Variants in PLCL1 observed in about 807,000 individuals in gnomAD.
PLCL1 encodes inactive phospholipase C-like protein 1.
PLCL1 carries 41 observed loss-of-function variants against 84.4 expected under a neutral mutation model. The ratio of observed to expected loss-of-function variants is 0.49; its 90% CI spans 0.38 to 0.63. The LOEUF is 0.63. PLCL1 is among the 30% of genes least tolerant of loss of function. The pLI is 0.00. For synonymous variants in PLCL1, 490 were observed against 488.3 expected, an observed-to-expected ratio of 1.00 and a Z score of -0.05; for missense variants, 1,206 against 1,367.8, an observed-to-expected ratio of 0.88 and a Z score of 1.87.
chr2:197,901,720 C>T (rs1220172655), intron 1 of PLCL1, among the ~76,000 whole-genome samples: 1 of 152,126 alleles, frequency 6.6e-6, no homozygotes, highest in East Asian at 1.9e-4. Flanking sequence ...GCTTCAAGCT[C>T]ATTAGATTTG....
intron 1 of PLCL1, among the ~76,000 whole-genome samples, chr2:197,868,201 T>G (rs1163627702): frequency 6.6e-6 from 1 of 152,218 alleles, no homozygotes; most frequent in Non-Finnish European, 1.5e-5. Flanking sequence ...GAATATTACT[T>G]CTAGCTAAAG....
At chr2:198,068,509 G>A (rs567711745) in intron 1 of PLCL1, among the ~76,000 whole-genome samples, 1 of 152,244 alleles carries the variant, frequency 6.6e-6, no homozygotes, top group Admixed American at 6.5e-5. Flanking sequence ...GATAATATTA[G>A]TAGATGTATT....
At chr2:197,866,426 C>T (rs529591211) in intron 1 of PLCL1, among the ~76,000 whole-genome samples, 1 of 151,952 alleles carries the variant, frequency 6.6e-6, no homozygotes, top group East Asian at 1.9e-4. Context: ...AGTGGATAAA[C>T]AAGAATAGGG....
chr2:197,902,200 C>T lies in PLCL1; in HGVS notation c.240+96861C>T, dbSNP rs553980851. Among the ~76,000 whole-genome samples the T allele has an allele frequency of 5.0e-4, 76 of 152,208 alleles. 1 individual carries two copies. In the South Asian group the frequency reaches 0.01, roughly 21 times the overall value. On this transcript the variant is annotated intron_variant, in intron 1 of 5. Transcript: ENST00000428675. ...TTACGACCCTTTTGTGGGCCTGATA[C>T]GCAGCTATCCTAGGACAGCCAAGGA...
At chr2:197,847,288 G>A (rs576909277) in intron 1 of PLCL1, among the ~76,000 whole-genome samples, 3 of 152,036 alleles carry the variant, frequency 2.0e-5, no homozygotes, top group African/African-American at 7.2e-5. Flanking sequence ...AAGTGAACAC[G>A]GAAAAAAGTT....
intron 1 of PLCL1, among the ~76,000 whole-genome samples, chr2:198,003,912 A>T (rs1012117026): frequency 2.0e-5 from 3 of 152,174 alleles, no homozygotes; most frequent in African/African-American, 7.2e-5. Context: ...CTAATTAGAG[A>T]ATCCATTAGA....
In PLCL1 at chr2:198,084,574, T is replaced by C. The variant is rs1457875885; in HGVS notation, c.1057T>C (p.Cys353Arg). ...AGTCACCCATATCACCGAGGATATA[T>C]GCTTAGACATCATAAGGAGATACGA... is the stretch of plus-strand genomic sequence containing the variant. ...QGVTHITEDI[C>R]LDIIRRYELS... Residue 353 changes from cysteine to arginine, a missense_variant, in exon 2 of 6, where the codon TGC becomes CGC. By Grantham distance (180) the Cys-to-Arg change is radical. Coordinates refer to ENST00000428675, the MANE Select transcript of PLCL1 (RefSeq NM_006226.4). 6.2e-7 allele frequency: 1 copy of C among 1,613,870 alleles called. No homozygotes were observed. The highest frequency in any genetic ancestry group is 8.5e-7 in the Non-Finnish European group (1 of 1,179,736).
chr2:198,009,771 T>C (rs1293769829), intron 1 of PLCL1, among the ~76,000 whole-genome samples: 3 of 151,952 alleles, frequency 2.0e-5, no homozygotes, highest in Non-Finnish European at 4.4e-5. Flanking sequence ...GCTTTGGGTA[T>C]TATGGACAAC....
chr2:198,022,191 A>G (rs1435401074), intron 1 of PLCL1, among the ~76,000 whole-genome samples: 1 of 152,230 alleles, frequency 6.6e-6, no homozygotes. Context: ...ACACCCCTTC[A>G]TGCTAAAAAC....
chr2:197,992,952 A>G (rs1217673638), intron 1 of PLCL1, among the ~76,000 whole-genome samples: 1 of 152,174 alleles, frequency 6.6e-6, no homozygotes, highest in African/African-American at 2.4e-5. Flanking sequence ...AGCTGTTACT[A>G]ATAATGCTTC....
At chr2:197,823,462 G>A (rs1690858699) in intron 1 of PLCL1, among the ~76,000 whole-genome samples, 1 of 152,078 alleles carries the variant, frequency 6.6e-6, no homozygotes, top group South Asian at 2.1e-4. Context: ...GTCAATGAAT[G>A]TTAATTATTA....
Position 198,149,681 on chromosome 2 carries a change from C to T in PLCL1, c.*2719C>T, listed in dbSNP as rs1412087835. 1 of 151,722 alleles carries T rather than the reference C, an allele frequency of 6.6e-6. No homozygotes were observed. The highest frequency in any genetic ancestry group is 2.4e-5 in the African/African-American group (1 of 41,292). The allele number at this position is 151,722 out of a possible 1,614,324, so 9.4% of individuals were successfully genotyped here. On this transcript the variant is annotated 3_prime_UTR_variant, in exon 6 of 6. Transcript: ENST00000428675. ...ATATACAACAGAAAAGCAAAATTAC[C>T]CACTAATAACATTTTGATTTATATC...
intron 5 of PLCL1, among the ~76,000 whole-genome samples, chr2:198,146,244 A>G (rs1031194738): frequency 2.6e-5 from 4 of 152,202 alleles, no homozygotes; most frequent in Non-Finnish European, 5.9e-5. Flanking sequence ...TGATAATTTA[A>G]CAACAGGCAG....
intron 1 of PLCL1, among the ~76,000 whole-genome samples, chr2:197,912,523 A>C (rs1487586181): frequency 6.6e-6 from 1 of 151,388 alleles, no homozygotes; most frequent in South Asian, 2.1e-4. Context: ...TATTCACAAT[A>C]GCAAAGACTT....
chr2:198,004,728 A>G (rs1483984921), intron 1 of PLCL1, among the ~76,000 whole-genome samples: 1 of 152,220 alleles, frequency 6.6e-6, no homozygotes, highest in East Asian at 1.9e-4. Context: ...TCCAACATTG[A>G]AAACCTAAGT....
intron 1 of PLCL1, among the ~76,000 whole-genome samples, chr2:197,831,329 C>T (rs1484503165): frequency 6.6e-6 from 1 of 151,760 alleles, no homozygotes; most frequent in Non-Finnish European, 1.5e-5. Flanking sequence ...GGAATATTTA[C>T]CAACCAAATG....
At chr2:197,933,202 T>G (rs545707938) in intron 1 of PLCL1, among the ~76,000 whole-genome samples, 1 of 152,194 alleles carries the variant, frequency 6.6e-6, no homozygotes, top group African/African-American at 2.4e-5. Flanking sequence ...TTGTTCTCTT[T>G]TTCTCTTTCT....
At chr2:197,891,280 G>T (rs554169400) in intron 1 of PLCL1, among the ~76,000 whole-genome samples, 1 of 152,260 alleles carries the variant, frequency 6.6e-6, no homozygotes, top group South Asian at 2.1e-4. Flanking sequence ...GACCCCTTCT[G>T]TGTGGTTACA....
chr2:197,885,457 T>A (rs1687902759), intron 1 of PLCL1, among the ~76,000 whole-genome samples: 1 of 152,196 alleles, frequency 6.6e-6, no homozygotes, highest in African/African-American at 2.4e-5. Context: ...CCATGTTTTG[T>A]TCTATTCAAA....
Sources: gnomAD v4.1 joint callset for allele counts (sites outside exome capture counted in the v4.1 genomes callset) on GRCh38, gnomAD v4.1.1 for gene constraint, MANE v1.5 for transcripts, NCBI Gene and HGNC (gene_info 2026-07-23, HGNC 2026-07-21) for gene names.